DOCK3: variants seen among roughly 807,000 people sequenced by gnomAD.
DOCK3 encodes the protein dedicator of cytokinesis 3.
A neutral mutation model predicts 265.6 loss-of-function variants in DOCK3; 60 were observed. The observed-to-expected ratio is 0.23, with a 90% CI of 0.18 to 0.28. The LOEUF (loss-of-function observed/expected upper bound fraction) is 0.28. Among genes scored for constraint, DOCK3 ranks in the 10% least tolerant of loss-of-function variants. The probability of loss-of-function intolerance (pLI) is 1.00; values close to 1 mark genes in which losing one functional copy is unlikely to be tolerated. For synonymous variants in DOCK3, 881 were observed against 938.0 expected (o/e 0.94, Z 1.11); for missense variants, 1,981 against 2,594.3 (o/e 0.76, Z 5.14).
intron 1 of DOCK3, among the ~76,000 whole-genome samples, chr3:50,727,729 G>C (rs925533815): frequency 2.0e-5 from 3 of 151,820 alleles, no homozygotes; most frequent in African/African-American, 7.2e-5. Context: ...AGGATGAAAG[G>C]GTCAATTTAT....
intron 5 of DOCK3, among the ~76,000 whole-genome samples, chr3:51,031,630 T>G (rs1232983234): frequency 6.6e-6 from 1 of 152,200 alleles, no homozygotes; most frequent in Non-Finnish European, 1.5e-5. Flanking sequence ...AAAGCAGTAT[T>G]CAAAATAATG....
intron 10 of DOCK3, among the ~76,000 whole-genome samples, chr3:51,149,505 A>G (rs1174770005): frequency 6.6e-6 from 1 of 152,238 alleles, no homozygotes. Context: ...TTATTTTGAG[A>G]TACGTTCCAT....
intron 9 of DOCK3, among the ~76,000 whole-genome samples, chr3:51,099,577 G>A (rs566190097): frequency 1.3e-5 from 2 of 152,332 alleles, no homozygotes; most frequent in African/African-American, 4.8e-5. Context: ...AGAGGAATGT[G>A]GAGAATTAAG....
At chr3:50,853,793 C>T (rs976733563) in intron 3 of DOCK3, among the ~76,000 whole-genome samples, 4 of 151,628 alleles carry the variant, frequency 2.6e-5, no homozygotes, top group Non-Finnish European at 5.9e-5. Flanking sequence ...GGTATCTTTT[C>T]GATAAAACAG....
chr3:51,234,981 C>G (rs1480730488), intron 19 of DOCK3, among the ~76,000 whole-genome samples: 1 of 152,190 alleles, frequency 6.6e-6, no homozygotes, highest in African/African-American at 2.4e-5. Flanking sequence ...GAGATTAAAT[C>G]TGGAGAAGGC....
At chr3:50,734,680 G>A (rs2038461633) in intron 1 of DOCK3, among the ~76,000 whole-genome samples, 1 of 132,030 alleles carries the variant, frequency 7.6e-6, no homozygotes, top group Admixed American at 9.0e-5. Flanking sequence ...TCGGCTCACT[G>A]CAAGCTCCGC....
At chr3:51,059,998 A>T (rs1220673482) in intron 5 of DOCK3, among the ~76,000 whole-genome samples, 1 of 152,034 alleles carries the variant, frequency 6.6e-6, no homozygotes, top group African/African-American at 2.4e-5. Context: ...ACATTCTGCT[A>T]CCCCATTTCT....
At chr3:51,041,177 TA>T (rs2080478039) in intron 5 of DOCK3, among the ~76,000 whole-genome samples, 2 of 11,332 alleles carry the variant, frequency 1.8e-4, no homozygotes, top group Non-Finnish European at 4.2e-4. Flanking sequence ...TATATATATA[TA>T]TATATATATA....
intron 1 of DOCK3, among the ~76,000 whole-genome samples, chr3:50,686,975 C>G (rs1265342883): frequency 7.1e-6 from 1 of 140,706 alleles, no homozygotes; most frequent in Non-Finnish European, 1.5e-5. Flanking sequence ...TTTGGGAGGC[C>G]AAGGTGGGAG....
intron 2 of DOCK3, among the ~76,000 whole-genome samples, chr3:50,811,896 G>A (rs1219327945): frequency 6.6e-6 from 1 of 152,098 alleles, no homozygotes; most frequent in African/African-American, 2.4e-5. Flanking sequence ...CTGCTAAAAG[G>A]GCTAAAATAA....
intron 2 of DOCK3, among the ~76,000 whole-genome samples, chr3:50,782,415 C>T (rs993255115): frequency 5.4e-5 from 8 of 149,508 alleles, no homozygotes; most frequent in East Asian, 4.0e-4. Flanking sequence ...CTCAGCCTCC[C>T]GAGTAGCTGG....
At chr3:51,062,226 CA>C (rs2081435125) in intron 5 of DOCK3, among the ~76,000 whole-genome samples, 1 of 152,158 alleles carries the variant, frequency 6.6e-6, no homozygotes, top group Non-Finnish European at 1.5e-5. Context: ...AGTAACTTCC[CA>C]TCTTGCTTAG....
At chr3:50,778,368 A>G (rs1447880717) in intron 1 of DOCK3, among the ~76,000 whole-genome samples, 1 of 152,156 alleles carries the variant, frequency 6.6e-6, no homozygotes, top group Non-Finnish European at 1.5e-5. Flanking sequence ...AACTTGCTCA[A>G]AAAGTACACT....
intron 35 of DOCK3, chr3:51,336,952 T>C (rs2084915537): frequency 2.2e-6 from 1 of 451,602 alleles, no homozygotes. Flanking sequence ...CTTCTACCAT[T>C]GTGTGGGTTG....
In DOCK3 at chr3:51,362,613, C is replaced by G; in HGVS notation, c.5232C>G (p.Ser1744Arg). 6.2e-7 allele frequency: 1 copy of G among 1,614,000 alleles called. No homozygotes were observed. The highest frequency in any genetic ancestry group is 8.5e-7 in the Non-Finnish European group (1 of 1,179,886). ...SSSQASPSSSSLSSTHSAPSQ... is the reference protein window; with the variant it reads ...SSSQASPSSSRLSSTHSAPSQ... Reference sequence around the variant, plus strand: ...CCCAGGCAAGCCCTTCTTCCTCCAGCCTGAGTTCCACTCACTCAGCACCAT... The same window carrying G: ...CCCAGGCAAGCCCTTCTTCCTCCAGGCTGAGTTCCACTCACTCAGCACCAT... Residue 1744 changes from serine to arginine, a missense_variant, in exon 49 of 53, where the codon AGC becomes AGG. By Grantham distance (110) the Ser-to-Arg change is moderately radical. Around this residue, in one of 4 missense-constraint regions of DOCK3, gnomAD observed 1,357 missense variants for 1,866.8 expected, o/e 0.73. Transcript: ENST00000266037.
At chr3:50,753,256 T>C (rs1265998669) in intron 1 of DOCK3, among the ~76,000 whole-genome samples, 2 of 152,254 alleles carry the variant, frequency 1.3e-5, no homozygotes, top group African/African-American at 4.8e-5. Context: ...TCAGTGCTGA[T>C]CTGTAATGAG....
chr3:51,373,211 G>A (rs2087823185), intron 49 of DOCK3, among the ~76,000 whole-genome samples: 1 of 152,200 alleles, frequency 6.6e-6, no homozygotes, highest in South Asian at 2.1e-4. Flanking sequence ...TCCTGACAGT[G>A]CTGGCACTGC....
At chr3:50,867,255 T>C (rs2047186422) in intron 3 of DOCK3, among the ~76,000 whole-genome samples, 1 of 152,214 alleles carries the variant, frequency 6.6e-6, no homozygotes, top group Admixed American at 6.5e-5. Context: ...GAAATGCTAC[T>C]GATTTTTGTA....
intron 5 of DOCK3, among the ~76,000 whole-genome samples, chr3:50,962,191 C>A (rs764658169): frequency 1.3e-5 from 2 of 152,048 alleles, no homozygotes; most frequent in Non-Finnish European, 2.9e-5. Flanking sequence ...TGTGATGTAC[C>A]CCTCCCTGTG....
Sources: gnomAD v4.1 joint callset for allele counts (sites outside exome capture counted in the v4.1 genomes callset) on GRCh38, gnomAD v4.1.1 for gene constraint, gnomAD v4.1.1 regional missense constraint, MANE v1.5 for transcripts, NCBI Gene and HGNC (gene_info 2026-07-23, HGNC 2026-07-21) for gene names.